Variants in MEIOB observed in about 807,000 individuals in gnomAD.
The protein encoded by MEIOB is meiosis specific with OB-fold.
In MEIOB, 50 loss-of-function variants were observed where a neutral mutation model predicts 53.1. That is an observed-to-expected ratio of 0.94 (90% CI 0.75 to 1.19). The LOEUF (loss-of-function observed/expected upper bound fraction) is 1.19. Among genes scored for constraint, MEIOB ranks in the 50% most tolerant of loss-of-function variants. The pLI, the probability that MEIOB is intolerant of heterozygous loss-of-function variation, is 0.00. For synonymous variants in MEIOB, 192 were observed against 182.5 expected, an observed-to-expected ratio of 1.05 and a Z score of -0.42; for missense variants, 551 against 550.8, an observed-to-expected ratio of 1.00 and a Z score of 0.00.
chr16:1,859,634 T>C (rs542377012), intron 5 of MEIOB, among the ~76,000 whole-genome samples: 1 of 152,282 alleles, frequency 6.6e-6, no homozygotes, highest in East Asian at 1.9e-4. Flanking sequence ...AAATTCACTG[T>C]GGCTACAGAG....
At chr16:1,861,204 C>G (rs533937516) in intron 4 of MEIOB, among the ~76,000 whole-genome samples, 1 of 152,276 alleles carries the variant, frequency 6.6e-6, no homozygotes, top group East Asian at 1.9e-4. Context: ...GTTCTTCCTA[C>G]TATATGAGGC....
chr16:1,869,767 G>A (rs2982237), intron 1 of MEIOB, among the ~76,000 whole-genome samples: 125,079 of 151,632 alleles, frequency 0.82, 51,698 homozygotes, highest in Middle Eastern at 0.9. Flanking sequence ...GGACATTTAA[G>A]GATTTAAATA....
chr16:1,861,898 A>C, intron 4 of MEIOB, 87 bp downstream of exon 4: 3 of 1,316,252 alleles, frequency 2.3e-6, no homozygotes, highest in Non-Finnish European at 3.1e-6. Flanking sequence ...ACTGTGTCTC[A>C]TTTCAACTCC....
chr16:1,871,431 G>A (rs542430469), intron 1 of MEIOB, among the ~76,000 whole-genome samples: 4 of 128,592 alleles, frequency 3.1e-5, no homozygotes, highest in African/African-American at 1.2e-4. Flanking sequence ...GTGTTAGCCA[G>A]GATGGTCTCG....
chr16:1,867,462 A>ATTTT lies in MEIOB; in HGVS notation c.69+641_69+644dup, dbSNP rs869208139. On this transcript the variant is annotated intron_variant, in intron 2 of 13. Transcript: ENST00000325962. The stretch of plus-strand genomic sequence containing the variant: ...TGCTACTGCTGAACAAAATGGTTTA[A>ATTTT]TTTTTTTTTTTTTTTTTTTTTTTTT... Among the ~76,000 whole-genome samples, 12 of 102,946 alleles carry ATTTT rather than the reference A, an allele frequency of 1.2e-4. 1 individual carries two copies. Among genetic ancestry groups the ATTTT allele is most frequent in the African/African-American group, 3.9e-4 (10 of 25,682 alleles). 67.5% of individuals were successfully genotyped at this position (102,946 alleles called of 152,430 possible).
chr16:1,839,357 G>C lies in MEIOB; in HGVS notation c.1116C>G (p.Val372=). The C allele has an allele frequency of 6.2e-7, 1 of 1,614,196 alleles. No homozygotes were observed. Among genetic ancestry groups the C allele is most frequent in the Admixed American group, 1.7e-5 (1 of 60,024 alleles). The change falls in exon 12 of 14, where the codon GTC becomes GTG. Residue 372 remains valine, a synonymous_variant. Transcript: ENST00000325962. ...CNKNSLDFKS[V]FLSFHVLIDL... ...CAATCAGCACATGGAAACTGAGAAA[G>C]ACAGATTTAAAGTCCAAGGAGTTTT...
At chr16:1,835,520 A>G (rs1318833073) in intron 13 of MEIOB, among the ~76,000 whole-genome samples, 1 of 152,212 alleles carries the variant, frequency 6.6e-6, no homozygotes, top group South Asian at 2.1e-4. Context: ...AAAAGTACCA[A>G]CATCAGGGAA....
chr16:1,843,871 T>C (rs1470920187), intron 10 of MEIOB, among the ~76,000 whole-genome samples: 1 of 152,190 alleles, frequency 6.6e-6, no homozygotes, highest in Non-Finnish European at 1.5e-5. Context: ...GGAACTAATA[T>C]TACTTGGGTT....
At chr16:1,841,691 C>T (rs1898914864) in intron 11 of MEIOB, 129 bp downstream of exon 11, 1 of 526,790 alleles carries the variant, frequency 1.9e-6, no homozygotes, top group Non-Finnish European at 3.0e-6. Context: ...CAGTTTTTTA[C>T]ACATTTATCT....
chr16:1,835,299 T>G (rs1473426692), intron 13 of MEIOB, among the ~76,000 whole-genome samples: 2 of 152,008 alleles, frequency 1.3e-5, no homozygotes, highest in East Asian at 3.9e-4. Flanking sequence ...AAAAAGGGCT[T>G]AATGTGTGTT....
chr16:1,852,837 T>A (rs775476032), intron 9 of MEIOB, among the ~76,000 whole-genome samples: 2 of 152,214 alleles, frequency 1.3e-5, no homozygotes. Context: ...ATTACAGGCA[T>A]GAGCCACCAC....
chr16:1,861,417 A>C (rs564038008), intron 4 of MEIOB, among the ~76,000 whole-genome samples: 2 of 152,302 alleles, frequency 1.3e-5, no homozygotes, highest in Non-Finnish European at 2.9e-5. Flanking sequence ...ATAACAATAA[A>C]ATGGGTTGGT....
chr16:1,834,442 G>A, intron 13 of MEIOB, 76 bp from the exon 14 acceptor site: 1 of 774,372 alleles, frequency 1.3e-6, no homozygotes, highest in Non-Finnish European at 2.2e-6. Flanking sequence ...AAAAATCAAT[G>A]ATCACGAATA....
In MEIOB at chr16:1,857,719, CG is replaced by C. The variant is rs1227825929; in HGVS notation, c.528+15del. 2.6e-6 allele frequency: 4 copies of C among 1,548,502 alleles called. No individual in the cohort carries two copies. Among genetic ancestry groups the C allele is most frequent in the Non-Finnish European group, 3.5e-6 (4 of 1,145,484 alleles). ...CCTGCCAGATTGCACTTGGCTTTGT[CG>C]GGGTTTTAACTTACCGATTTCACAG... On this transcript the variant is annotated intron_variant, in intron 6 of 13. Transcript: ENST00000325962.
chr16:1,856,973 C>A (rs1899324799), intron 6 of MEIOB, among the ~76,000 whole-genome samples: 1 of 147,720 alleles, frequency 6.8e-6, no homozygotes. Context: ...CATGTTGCCC[C>A]AGGCTGGTCT....
chr16:1,845,716 T>C (rs1191288204), intron 9 of MEIOB, among the ~76,000 whole-genome samples: 1 of 152,150 alleles, frequency 6.6e-6, no homozygotes, highest in Non-Finnish European at 1.5e-5. Flanking sequence ...ATATATAAAA[T>C]AGGCTCTATA....
rs1348444570 is a variant in MEIOB at position 1,837,788 on chromosome 16, A to T, written c.1301T>A (p.Leu434Ter). 1 of 1,493,384 alleles carries T rather than the reference A, an allele frequency of 6.7e-7. No homozygotes were observed. The highest frequency in any genetic ancestry group is 1.4e-5 in the African/African-American group (1 of 71,254). 92.5% of individuals were successfully genotyped at this position (1,493,384 alleles called of 1,614,324 possible). ...GGGACTATAAAATGCACTAACTTTT[A>T]AATAAATTTTGCTTCTTTCCAAGAG... ...QFLLERSKIYLKFVLSHRARS... is the reference protein window; with the variant it reads ...QFLLERSKIY The change falls in exon 13 of 14, where the codon TTA becomes TAA. Residue 434 changes from leucine to a stop codon, truncating the protein, a stop_gained. Transcript: ENST00000325962. LOFTEE classifies it high-confidence loss of function.
At chr16:1,856,299 G>C (rs1596977955) in intron 6 of MEIOB, among the ~76,000 whole-genome samples, 1 of 147,238 alleles carries the variant, frequency 6.8e-6, no homozygotes, top group East Asian at 2.0e-4. Flanking sequence ...GGGACTGCAG[G>C]AACCTGTCAC....
intron 9 of MEIOB, among the ~76,000 whole-genome samples, chr16:1,849,961 T>G (rs1389097721): frequency 6.6e-6 from 1 of 152,240 alleles, no homozygotes; most frequent in East Asian, 1.9e-4. Flanking sequence ...GTATAAAATG[T>G]ATTCAATTTT....
Sources: gnomAD v4.1 joint callset for allele counts (sites outside exome capture counted in the v4.1 genomes callset) on GRCh38, gnomAD v4.1.1 for gene constraint, MANE v1.5 for transcripts, NCBI Gene and HGNC (gene_info 2026-07-23, HGNC 2026-07-21) for gene names.